The following ATMIN variants were observed in gnomAD, a reference collection of about 807,000 sequenced individuals.
The protein encoded by ATMIN is ATM interactor.
Under a neutral mutation model 49.2 loss-of-function variants are expected in ATMIN, and 24 were observed. The ratio of observed to expected loss-of-function variants is 0.49; its 90% CI spans 0.35 to 0.69. The LOEUF is 0.69. ATMIN is among the 30% of genes least tolerant of loss of function. The pLI, the probability that ATMIN is intolerant of heterozygous loss-of-function variation, is 0.00. For synonymous variants in ATMIN, 450 were observed against 392.5 expected (o/e 1.15, Z -1.73); for missense variants, 1,037 against 1,005.5 (o/e 1.03, Z -0.42).
Position 81,043,674 on chromosome 16 carries a change from A to G in ATMIN, c.1176A>G (p.Pro392=). ...TGVQVNFGKS[P]SNPLQELGNT... ...TTCAAGTGAACTTTGGTAAAAGTCCATCTAATCCTTTACAAGAACTAGGGA... is the reference window on the plus strand; with the variant it reads ...TTCAAGTGAACTTTGGTAAAAGTCCGTCTAATCCTTTACAAGAACTAGGGA... Residue 392 remains proline, a synonymous_variant, in exon 4 of 4, where the codon CCA becomes CCG. Transcript: ENST00000299575. 1 of 1,614,252 alleles carries G rather than the reference A, an allele frequency of 6.2e-7. No homozygotes were observed. Among genetic ancestry groups the G allele is most frequent in the Non-Finnish European group, 8.5e-7 (1 of 1,180,040 alleles).
At position 81,045,656 on chromosome 16, in the gene ATMIN, G is replaced by A. The variant is rs1971105537; in HGVS notation, c.*686G>A. 6.6e-6 allele frequency: 1 copy of A among 152,130 alleles called. No individual in the cohort carries two copies. Among genetic ancestry groups the A allele is most frequent in the East Asian group, 1.9e-4 (1 of 5,192 alleles). The allele number at this position is 152,130 out of a possible 1,614,324, so 9.4% of individuals were successfully genotyped here. A position where few individuals can be genotyped will look rare whatever the true frequency, so the allele number is the denominator to read the frequency against. On this transcript the variant is annotated 3_prime_UTR_variant, in exon 4 of 4. Transcript: ENST00000299575. ...GTGTACAGCACTTTACACACAAGAG[G>A]TTTATTGATGTAAAATTATCGGCTA...
In ATMIN at chr16:81,036,114, A is replaced by ACAG; in HGVS notation, c.245_246insAGC (p.Thr82_Asn83insAla). 7.0e-7 allele frequency: 1 copy of ACAG among 1,435,648 alleles called. No homozygotes were observed. The highest frequency in any genetic ancestry group is 1.4e-5 in the South Asian group (1 of 73,784). 88.9% of individuals were successfully genotyped at this position (1,435,648 alleles called of 1,614,324 possible). ...GAGCGAGCTGTCCCGGGCCGTGCGG[A>ACAG]CCAACATCCTGTGCACCGTGCGCGG... On this transcript the variant is annotated inframe_insertion, in exon 1 of 4. Transcript: ENST00000299575.
Position 81,035,870 on chromosome 16 carries a change from C to T in ATMIN, c.-1C>T, listed in dbSNP as rs1160018184. ...CTGGGCCGGGCGGCCGTGCGGGAGC[C>T]ATGGCGGCCTCGGAGGCGGCGGCGG... On this transcript the variant is annotated 5_prime_UTR_variant, in exon 1 of 4. Coordinates refer to ENST00000299575, the MANE Select transcript of ATMIN (RefSeq NM_015251.3). 1.4e-5 allele frequency: 13 copies of T among 900,122 alleles called. No homozygotes were observed. In the Admixed American group the frequency reaches 1.9e-4, roughly 13 times the overall value. 55.8% of individuals were successfully genotyped at this position (900,122 alleles called of 1,614,324 possible).
chr16:81,039,917 A>G (rs1331514838), intron 1 of ATMIN, among the ~76,000 whole-genome samples: 1 of 152,212 alleles, frequency 6.6e-6, no homozygotes, highest in African/African-American at 2.4e-5. Context: ...TAAGATGACA[A>G]AGCAAACCGT....
Position 81,044,218 on chromosome 16 carries a change from A to G in ATMIN, c.1720A>G (p.Met574Val). The change falls in exon 4 of 4, where the codon ATG becomes GTG. Residue 574 changes from methionine to valine, a missense_variant. Transcript: ENST00000299575. ...PIINFSAQNS[M>V]LPSQNMTDNQ... ...TATAAATTTCAGTGCACAGAATAGT[A>G]TGCTTCCTTCACAGAACATGACAGA... 6.2e-7 allele frequency: 1 copy of G among 1,614,188 alleles called. No individual in the cohort carries two copies. The highest frequency in any genetic ancestry group is 2.2e-5 in the East Asian group (1 of 44,886).
intron 2 of ATMIN, 35 bp downstream of exon 2, chr16:81,041,516 A>G: frequency 1.9e-6 from 3 of 1,581,276 alleles, no homozygotes; most frequent in Non-Finnish European, 2.6e-6. Context: ...TACAGATGCT[A>G]AAAACCTATT....
At chr16:81,040,243 G>C (rs1971015779) in intron 1 of ATMIN, among the ~76,000 whole-genome samples, 3 of 152,074 alleles carry the variant, frequency 2.0e-5, no homozygotes, top group Admixed American at 2.0e-4. Context: ...TCGTGCCATT[G>C]CCATTTCTCA....
intron 1 of ATMIN, chr16:81,037,181 C>T: frequency 2.0e-6 from 2 of 985,490 alleles, no homozygotes; most frequent in Non-Finnish European, 2.4e-6. Context: ...TTCCTTCCAC[C>T]ACTCTAGGCC....
At chr16:81,037,381 C>A in intron 1 of ATMIN, 1 of 985,356 alleles carries the variant, frequency 1.0e-6, no homozygotes, top group Non-Finnish European at 1.2e-6. Context: ...GATGTGTCGC[C>A]AATGAAGAGT....
rs759795519 is a variant in ATMIN at position 81,044,654 on chromosome 16, C to T, written c.2156C>T (p.Pro719Leu). ...NFFLDSSPHL[P>L]LGSILKHSSF... is the part of the protein sequence containing the mutation. ...TTCTTAGACAGTAGCCCTCATCTGC[C>T]TCTGGGAAGTATTCTGAAACACTCC... The change falls in exon 4 of 4, where the codon CCT (proline) becomes CTT (leucine). Residue 719 changes from proline (P) to leucine (L), a missense_variant. By Grantham distance (98) the Pro-to-Leu change is moderately conservative. Coordinates refer to ENST00000299575, the MANE Select transcript of ATMIN (RefSeq NM_015251.3). The T allele has an allele frequency of 1.9e-6, 3 of 1,614,200 alleles. No individual in the cohort carries two copies. Among genetic ancestry groups the T allele is most frequent in the South Asian group, 1.1e-5 (1 of 91,088 alleles).
intron 1 of ATMIN, among the ~76,000 whole-genome samples, chr16:81,036,833 C>A (rs1343390592): frequency 6.6e-6 from 1 of 152,096 alleles, no homozygotes; most frequent in Non-Finnish European, 1.5e-5. Context: ...ACACCGCACC[C>A]CATCAGTAGG....
At chr16:81,041,263 C>A in intron 1 of ATMIN, 93 bp from the exon 2 acceptor site, 1 of 1,372,838 alleles carries the variant, frequency 7.3e-7, no homozygotes, top group Non-Finnish European at 9.9e-7. Context: ...AAGTATTTCA[C>A]AAAATGTGCT....
In ATMIN at chr16:81,045,123, CAG is replaced by C. The variant is rs745329457; in HGVS notation, c.*155_*156del. 224 of 1,014,138 alleles carry C rather than the reference CAG, an allele frequency of 2.2e-4. No homozygotes were observed. The highest frequency in any genetic ancestry group is 3.0e-4 in the Non-Finnish European group (217 of 717,582). The allele number at this position is 1,014,138 out of a possible 1,614,324, so 62.8% of individuals were successfully genotyped here. On this transcript the variant is annotated 3_prime_UTR_variant, in exon 4 of 4. Transcript: ENST00000299575. ...TTTCTTTGCCTTTTGTACTTGTAAA[CAG>C]AAATTTGCGTATAAATGTGAGTGTA...
Position 81,043,411 on chromosome 16 carries a change from A to G in ATMIN, c.913A>G (p.Lys305Glu), listed in dbSNP as rs2278023. ...LLPKPKVALV[K>E]LPVMQFSVMP... ...ACCAAAGCCCAAAGTGGCTTTGGTT[A>G]AACTACCCGTGATGCAGTTTTCTGT... Residue 305 changes from lysine (K) to glutamate (E), a missense_variant, in exon 4 of 4, where the codon AAA (lysine) becomes GAA (glutamate). By Grantham distance (56) the Lys-to-Glu change is moderately conservative. Transcript: ENST00000299575. The G allele has an allele frequency of 3.5e-3, 5,590 of 1,613,388 alleles. 93 individuals carry two copies. In the East Asian group the frequency reaches 0.045, roughly 13 times the overall value.
At position 81,035,896 on chromosome 16, in the gene ATMIN, C is replaced by T. The variant is rs1194382057; in HGVS notation, c.26C>T (p.Ala9Val). Residue 9 changes from alanine to valine, a missense_variant, in exon 1 of 4, where the codon GCG becomes GTG. Transcript: ENST00000299575. Reference protein sequence around the residue: MAASEAAAAAGSAALAAGA... With the variant: MAASEAAAVAGSAALAAGA... ...ATGGCGGCCTCGGAGGCGGCGGCGG[C>T]GGCGGGGTCCGCGGCTCTGGCGGCG... 23 of 979,138 alleles carry T rather than the reference C, an allele frequency of 2.3e-5. No homozygotes were observed. The highest frequency in any genetic ancestry group is 6.3e-5 in the Admixed American group (1 of 15,868). 60.7% of individuals were successfully genotyped at this position (979,138 alleles called of 1,614,324 possible).
In ATMIN at chr16:81,045,068, C is replaced by T; in HGVS notation, c.*98C>T. ...ACAGTATTAATTCGATTGAATGTGG[C>T]TGATGATGCAGTTGCTTAGCTTCTT... is the stretch of plus-strand genomic sequence containing the variant. On this transcript the variant is annotated 3_prime_UTR_variant, in exon 4 of 4. Transcript: ENST00000299575. 1.4e-6 allele frequency: 2 copies of T among 1,449,200 alleles called. No individual in the cohort carries two copies. Among genetic ancestry groups the T allele is most frequent in the South Asian group, 2.8e-5 (2 of 71,040 alleles). 89.8% of individuals were successfully genotyped at this position (1,449,200 alleles called of 1,614,324 possible). A position where few individuals can be genotyped will look rare whatever the true frequency, so the allele number is the denominator to read the frequency against.
chr16:81,037,308 AG>A (rs1156972098), intron 1 of ATMIN: 1 of 985,370 alleles, frequency 1.0e-6, no homozygotes, highest in Non-Finnish European at 1.2e-6. Flanking sequence ...GTCTGCCCAT[AG>A]TCAGGCTTCT....
intron 2 of ATMIN, 159 bp downstream of exon 2, chr16:81,041,640 A>G: frequency 3.4e-6 from 3 of 889,342 alleles, no homozygotes; most frequent in Non-Finnish European, 5.1e-6. Context: ...CTGTTACACA[A>G]GTGGAGGGAA....
intron 1 of ATMIN, chr16:81,037,262 G>A (rs1229665114): frequency 3.1e-5 from 31 of 985,348 alleles, no homozygotes; most frequent in Non-Finnish European, 3.6e-5. Flanking sequence ...TGATGATCAG[G>A]AGTAAATTTA....
Sources: allele counts gnomAD v4.1 joint callset (sites outside exome capture counted in the v4.1 genomes callset), GRCh38; gene constraint gnomAD v4.1.1; transcripts MANE v1.5; gene names NCBI Gene and HGNC (gene_info 2026-07-23, HGNC 2026-07-21).